Variants in RBFOX1 observed in about 807,000 individuals in gnomAD.
RBFOX1 encodes the protein RNA binding protein fox-1 homolog 1.
Under a neutral mutation model 57.7 loss-of-function variants are expected in RBFOX1, and 8 were observed. That is an observed-to-expected ratio of 0.14 (90% CI 0.08 to 0.25). The LOEUF is 0.25. Among genes scored for constraint, RBFOX1 ranks in the 10% least tolerant of loss-of-function variants. The probability of loss-of-function intolerance (pLI) is 1.00; values close to 1 mark genes in which losing one functional copy is unlikely to be tolerated. For synonymous variants in RBFOX1, 326 were observed against 222.4 expected (o/e 1.47, Z -4.15); for missense variants, 611 against 548.5 (o/e 1.11, Z -1.14).
chr16:6,557,098 T>C (rs199783206), intron 2 of RBFOX1, among the ~76,000 whole-genome samples: 2 of 145,432 alleles, frequency 1.4e-5, no homozygotes, highest in African/African-American at 2.6e-5. Flanking sequence ...CATATACATA[T>C]ATACATACAT....
At chr16:7,689,191 C>G (rs1302066015) in intron 14 of RBFOX1, among the ~76,000 whole-genome samples, 2 of 152,134 alleles carry the variant, frequency 1.3e-5, no homozygotes, top group African/African-American at 4.8e-5. Flanking sequence ...CCGTTGCAAT[C>G]AACATTCCCA....
chr16:6,701,127 G>C lies in RBFOX1; in HGVS notation c.-16+46477G>C, dbSNP rs72636208. ...AGGTGAAGAGTTTATCAGTGTCTCTGTGTGTGTATGTGTGTGTGTGTGTGT... is the reference window on the plus strand; with the variant it reads ...AGGTGAAGAGTTTATCAGTGTCTCTCTGTGTGTATGTGTGTGTGTGTGTGT... On this transcript the variant is annotated intron_variant, in intron 3 of 15. Transcript: ENST00000550418. Among the ~76,000 whole-genome samples the C allele has an allele frequency of 4.7e-3, 612 of 130,394 alleles. 20 individuals carry two copies. In the East Asian group the frequency reaches 0.09, roughly 19 times the overall value. The allele number at this position is 130,394 out of a possible 152,430, so 85.5% of individuals were successfully genotyped here.
chr16:6,113,073 C>G (rs963109157), intron 1 of RBFOX1, among the ~76,000 whole-genome samples: 49 of 152,126 alleles, frequency 3.2e-4, no homozygotes, highest in African/African-American at 1.1e-3. Context: ...TTTGCTTACT[C>G]CTGAGTCTGT....
intron 5 of RBFOX1, among the ~76,000 whole-genome samples, chr16:7,554,550 C>G (rs1486064180): frequency 6.6e-6 from 1 of 152,104 alleles, no homozygotes; most frequent in Non-Finnish European, 1.5e-5. Flanking sequence ...TGCTTCCTAT[C>G]AGAAATGTGG....
intron 4 of RBFOX1, among the ~76,000 whole-genome samples, chr16:5,891,545 C>G (rs1212205733): frequency 6.6e-6 from 1 of 152,154 alleles, no homozygotes; most frequent in South Asian, 2.1e-4. Flanking sequence ...CCCTCATCCC[C>G]GAGAGCCCGC....
intron 13 of RBFOX1, among the ~76,000 whole-genome samples, chr16:7,671,097 C>G (rs1271655655): frequency 6.6e-6 from 1 of 152,132 alleles, no homozygotes; most frequent in Non-Finnish European, 1.5e-5. Context: ...ATTAATTTAA[C>G]AAGTAAAGGC....
chr16:6,624,381 A>G (rs2098275332), intron 2 of RBFOX1, among the ~76,000 whole-genome samples: 1 of 152,196 alleles, frequency 6.6e-6, no homozygotes, highest in Non-Finnish European at 1.5e-5. Flanking sequence ...TGGTGAGATC[A>G]GGGTTTTTGC....
At chr16:5,659,606 G>A (rs961258929) in intron 3 of RBFOX1, among the ~76,000 whole-genome samples, 2 of 152,036 alleles carry the variant, frequency 1.3e-5, no homozygotes, top group Non-Finnish European at 2.9e-5. Flanking sequence ...TGCCTGGCCG[G>A]TATATCTTTT....
In RBFOX1 at chr16:6,744,667, T is replaced by C. The variant is rs890806415; in HGVS notation, c.-16+90017T>C. 3.3e-5 allele frequency among the ~76,000 whole-genome samples: 5 copies of C among 152,012 alleles called. No homozygotes were observed. In the East Asian group the frequency reaches 7.7e-4, roughly 23 times the overall value. On this transcript the variant is annotated intron_variant, in intron 3 of 15. Coordinates refer to ENST00000550418, the MANE Select transcript of RBFOX1 (RefSeq NM_018723.4). The stretch of plus-strand genomic sequence containing the variant: ...TGAACAAAAATATACATAAGACATA[T>C]CAGATTTTGCGTAGTGTTATTAAAC...
chr16:6,827,750 C>G (rs2092332729), intron 3 of RBFOX1, among the ~76,000 whole-genome samples: 1 of 152,170 alleles, frequency 6.6e-6, no homozygotes, highest in Non-Finnish European at 1.5e-5. Context: ...GATCTCCGGT[C>G]ACCTCCATCA....
chr16:7,182,319 A>C (rs925191514), intron 4 of RBFOX1, among the ~76,000 whole-genome samples: 1 of 149,756 alleles, frequency 6.7e-6, no homozygotes, highest in African/African-American at 2.5e-5. Context: ...GCCCCCCTGC[A>C]AAAAAAAAGA....
chr16:7,411,540 A>C (rs909554941), intron 4 of RBFOX1, among the ~76,000 whole-genome samples: 4 of 152,208 alleles, frequency 2.6e-5, no homozygotes, highest in African/African-American at 7.2e-5. Flanking sequence ...TCTAATTGTA[A>C]GAAAAACATC....
At chr16:7,078,197 G>A (rs888641723) in intron 4 of RBFOX1, among the ~76,000 whole-genome samples, 7 of 152,300 alleles carry the variant, frequency 4.6e-5, no homozygotes, top group Admixed American at 2.0e-4. Flanking sequence ...GAAGGAGAAA[G>A]GAGCATTGAA....
intron 4 of RBFOX1, among the ~76,000 whole-genome samples, chr16:7,287,895 T>C (rs556562440): frequency 4.5e-4 from 69 of 152,316 alleles, no homozygotes; most frequent in African/African-American, 1.6e-3. Flanking sequence ...CTTAAGCTGT[T>C]TTTCCCTCGG....
At chr16:6,676,028 T>C (rs569728577) in intron 3 of RBFOX1, among the ~76,000 whole-genome samples, 1 of 151,884 alleles carries the variant, frequency 6.6e-6, no homozygotes, top group African/African-American at 2.4e-5. Flanking sequence ...GGAAAAGAGG[T>C]CCTCAAAAGG....
At chr16:7,205,255 C>T (rs1052448587) in intron 4 of RBFOX1, among the ~76,000 whole-genome samples, 6 of 152,068 alleles carry the variant, frequency 3.9e-5, no homozygotes, top group Non-Finnish European at 7.4e-5. Context: ...TGGCGGCTCA[C>T]ACCTGTAATC....
At chr16:7,696,759 G>A (rs767148898) in intron 14 of RBFOX1, among the ~76,000 whole-genome samples, 2 of 152,168 alleles carry the variant, frequency 1.3e-5, no homozygotes, top group Admixed American at 1.3e-4. Flanking sequence ...CAGGGGAGGG[G>A]ATGGAAAGTA....
At chr16:7,700,148 C>T (rs1438196049) in intron 14 of RBFOX1, among the ~76,000 whole-genome samples, 1 of 152,026 alleles carries the variant, frequency 6.6e-6, no homozygotes, top group Admixed American at 6.6e-5. Context: ...GATCATCAAT[C>T]CAATTCAGGG....
At chr16:6,010,179 C>T (rs1474572903) in intron 4 of RBFOX1, among the ~76,000 whole-genome samples, 1 of 152,104 alleles carries the variant, frequency 6.6e-6, no homozygotes, top group African/African-American at 2.4e-5. Flanking sequence ...GGCTGGACTT[C>T]CAAATCTCAG....
Sources: gnomAD v4.1 joint callset for allele counts (sites outside exome capture counted in the v4.1 genomes callset) on GRCh38, gnomAD v4.1.1 for gene constraint, MANE v1.5 for transcripts, NCBI Gene and HGNC (gene_info 2026-07-23, HGNC 2026-07-21) for gene names.